The following TUBG1 variants were observed in gnomAD, a reference collection of about 807,000 sequenced individuals.
TUBG1 encodes the protein tubulin gamma 1.
A neutral mutation model predicts 53.3 loss-of-function variants in TUBG1; 22 were observed. The ratio of observed to expected loss-of-function variants is 0.41; its 90% CI spans 0.29 to 0.59. TUBG1 has a LOEUF of 0.59. Among genes scored for constraint, TUBG1 ranks in the 20% least tolerant of loss-of-function variants. TUBG1 has a pLI of 0.26. For missense variants in TUBG1, 217 were observed against 598.9 expected, an observed-to-expected ratio of 0.36 and a Z score of 6.66; for synonymous variants, 198 against 236.7, an observed-to-expected ratio of 0.84 and a Z score of 1.50.
chr17:42,609,818 G>T (rs1479110288), intron 1 of TUBG1, 32 bp downstream of exon 1: 22 of 1,547,844 alleles, frequency 1.4e-5, no homozygotes, highest in Non-Finnish European at 1.8e-5. Flanking sequence ...CAGCTAGCCA[G>T]GTTCCTTAGG....
In TUBG1 at chr17:42,612,509, A is replaced by G. The variant is rs778432099; in HGVS notation, c.479+3A>G. On this transcript the variant is annotated splice_donor_region_variant and intron_variant, in intron 5 of 10. Transcript: ENST00000251413. ...CTCTTAGAACGGCTGAATGACAGGT[A>G]AGTTTGTGTTTGGGGATTAGGAAAG... is the stretch of plus-strand genomic sequence containing the variant. The G allele has an allele frequency of 6.2e-7, 1 of 1,613,972 alleles. No individual in the cohort carries two copies. Among genetic ancestry groups the G allele is most frequent in the Non-Finnish European group, 8.5e-7 (1 of 1,179,932 alleles).
chr17:42,609,822 C>T, intron 1 of TUBG1, 36 bp downstream of exon 1: 1 of 1,547,650 alleles, frequency 6.5e-7, no homozygotes, highest in Non-Finnish European at 8.7e-7. Context: ...TAGCCAGGTT[C>T]CTTAGGGTCA....
Position 42,614,666 on chromosome 17 carries a change from C to G in TUBG1, c.1158+9C>G. On this transcript the variant is annotated intron_variant, in intron 10 of 10. Coordinates refer to ENST00000251413, the MANE Select transcript of TUBG1 (RefSeq NM_001070.5). This position sits in a 1 kb window ranked among gnomAD's most constrained non-coding sequence, Gnocchi z 5.1. The stretch of plus-strand genomic sequence containing the variant: ...ACACCAGCATCTCCTCGGTGAGTCT[C>G]AAAGTTTGCACCTTTTTTCCCTGAA... The G allele has an allele frequency of 6.2e-7, 1 of 1,613,840 alleles. No individual in the cohort carries two copies. The highest frequency in any genetic ancestry group is 8.5e-7 in the Non-Finnish European group (1 of 1,179,764).
chr17:42,609,805 C>T lies in TUBG1; in HGVS notation c.49+19C>T. On this transcript the variant is annotated intron_variant, in intron 1 of 10. Transcript: ENST00000251413. ...AATCAGAGTGAGCGAAACTCCGGCC[C>T]CTCAGCTAGCCAGGTTCCTTAGGGT... is the stretch of plus-strand genomic sequence containing the variant. The T allele has an allele frequency of 6.4e-7, 1 of 1,550,502 alleles. No homozygotes were observed. The highest frequency in any genetic ancestry group is 1.4e-5 in the African/African-American group (1 of 73,146).
At position 42,610,104 on chromosome 17, in the gene TUBG1, C is replaced by A; in HGVS notation, c.50-4C>A. The stretch of plus-strand genomic sequence containing the variant: ...TTTCTCCCCTGCCCGCCCCTTCCCC[C>A]CAGTTGGGTTCGAGTTCTGGAAACA... On this transcript the variant is annotated splice_region_variant and splice_polypyrimidine_tract_variant and intron_variant, in intron 1 of 10. Coordinates refer to ENST00000251413, the MANE Select transcript of TUBG1 (RefSeq NM_001070.5). 1.9e-6 allele frequency: 3 copies of A among 1,614,230 alleles called. No homozygotes were observed. Among genetic ancestry groups the A allele is most frequent in the Non-Finnish European group, 1.7e-6 (2 of 1,180,042 alleles).
At chr17:42,612,197 C>T (rs544488461) in intron 4 of TUBG1, 54 bp downstream of exon 4, 11 of 1,587,350 alleles carry the variant, frequency 6.9e-6, no homozygotes, top group Admixed American at 6.7e-5. Flanking sequence ...CTTGGCAGCA[C>T]CCTCTAGAAG....
chr17:42,612,588 A>G (rs2052044854), intron 5 of TUBG1, 82 bp downstream of exon 5: 1 of 1,318,508 alleles, frequency 7.6e-7, no homozygotes, highest in Non-Finnish European at 1.1e-6. Flanking sequence ...ATAACTCCAT[A>G]TTTGCTGGAA....
rs1297694217 is a variant in TUBG1, at chr17:42,610,512, G to A, written c.252G>A (p.Lys84=). 24 of 1,614,076 alleles carry A rather than the reference G, an allele frequency of 1.5e-5. No individual in the cohort carries two copies. Among genetic ancestry groups the A allele is most frequent in the Non-Finnish European group, 8.5e-7 (1 of 1,179,928 alleles). Residue 84 remains lysine, a synonymous_variant, in exon 3 of 11, where the codon AAG becomes AAA. Transcript: ENST00000251413. ...CCATCCTCAACTCCCCCTATGCCAA[G>A]CTCTACAACCCAGAGAACATCTACC... ...IHSILNSPYA[K]LYNPENIYLS... is the part of the protein sequence containing the mutation.
rs764396523 is a variant in TUBG1 at position 42,610,097 on chromosome 17, C to T, written c.50-11C>T. 4.3e-6 allele frequency: 7 copies of T among 1,614,050 alleles called. No individual in the cohort carries two copies. Among genetic ancestry groups the T allele is most frequent in the Non-Finnish European group, 4.2e-6 (5 of 1,180,008 alleles). On this transcript the variant is annotated splice_polypyrimidine_tract_variant and intron_variant, in intron 1 of 10. Transcript: ENST00000251413. ...TATCTTCTTTCTCCCCTGCCCGCCCCTTCCCCCCAGTTGGGTTCGAGTTCT... is the reference window on the plus strand; with the variant it reads ...TATCTTCTTTCTCCCCTGCCCGCCCTTTCCCCCCAGTTGGGTTCGAGTTCT...
At chr17:42,611,997 GA>G (rs1477876303) in intron 3 of TUBG1, 77 bp from the exon 4 acceptor site, 3 of 1,347,858 alleles carry the variant, frequency 2.2e-6, no homozygotes, top group Non-Finnish European at 3.2e-6. Context: ...GTTATAAGGA[GA>G]ATTGAGGGTG....
In TUBG1 at chr17:42,614,933, C is replaced by T. The variant is rs758335343; in HGVS notation, c.1248C>T (p.Asp416=). The part of the protein sequence containing the change: ...EQFRKEDMFK[D]NFDEMDTSRE... ...TCCGCAAGGAGGACATGTTCAAGGACAACTTTGATGAGATGGACACATCCA... is the reference window on the plus strand; with the variant it reads ...TCCGCAAGGAGGACATGTTCAAGGATAACTTTGATGAGATGGACACATCCA... Residue 416 remains aspartate, a synonymous_variant, in exon 11 of 11, where the codon GAC becomes GAT. Transcript: ENST00000251413. The surrounding 1 kb of genome is among the most constrained non-coding windows in gnomAD (Gnocchi z 5.1). 19 of 1,614,120 alleles carry T rather than the reference C, an allele frequency of 1.2e-5. No individual in the cohort carries two copies. The highest frequency in any genetic ancestry group is 1.6e-5 in the Non-Finnish European group (19 of 1,180,056).
At position 42,612,965 on chromosome 17, in the gene TUBG1, G is replaced by A. The variant is rs1421855458; in HGVS notation, c.498G>A (p.Val166=). The change falls in exon 6 of 11, where the codon GTG becomes GTA. Residue 166 remains valine (V), a synonymous_variant. Transcript: ENST00000251413. ...CCACCAGGTATCCTAAGAAGCTGGT[G>A]CAGACATACTCAGTGTTTCCCAACC... ...RLNDRYPKKL[V]QTYSVFPNQD... 2.5e-6 allele frequency: 4 copies of A among 1,613,930 alleles called. No individual in the cohort carries two copies. The highest frequency in any genetic ancestry group is 2.7e-5 in the African/African-American group (2 of 74,910).
Position 42,612,633 on chromosome 17 carries a change from G to A in TUBG1, c.479+127G>A, listed in dbSNP as rs2052045399. ...GTTCTTATATTCCCTCCTATAGAGA[G>A]GAAAATGAAGTTACAATGACTGAGA... is the stretch of plus-strand genomic sequence containing the variant. On this transcript the variant is annotated intron_variant, in intron 5 of 10. Coordinates refer to ENST00000251413, the MANE Select transcript of TUBG1 (RefSeq NM_001070.5). The A allele has an allele frequency of 4.4e-6, 4 of 918,952 alleles. No individual in the cohort carries two copies. In the East Asian group the frequency reaches 1.0e-4, roughly 23 times the overall value. The allele number at this position is 918,952 out of a possible 1,614,324, so 56.9% of individuals were successfully genotyped here. A position where few individuals can be genotyped will look rare whatever the true frequency, so the allele number is the denominator to read the frequency against.
intron 3 of TUBG1, among the ~76,000 whole-genome samples, chr17:42,611,862 A>AT (rs2052036560): frequency 6.6e-6 from 1 of 152,308 alleles, no homozygotes; most frequent in Admixed American, 6.5e-5. Context: ...TCGCAAAAAA[A>AT]AATAGAGCTA....
intron 1 of TUBG1, 144 bp from the exon 2 acceptor site, chr17:42,609,964 C>T: frequency 1.6e-6 from 2 of 1,286,026 alleles, no homozygotes; most frequent in Non-Finnish European, 2.1e-6. Context: ...CAGTCCCTGG[C>T]GTACAGTCCT....
intron 1 of TUBG1, 26 bp from the exon 2 acceptor site, chr17:42,610,082 C>T (rs1338253456): frequency 3.1e-6 from 5 of 1,613,458 alleles, no homozygotes; most frequent in Non-Finnish European, 4.2e-6. Flanking sequence ...TATCTTCTTT[C>T]TCCCCTGCCC....
At chr17:42,609,935 CG>C in intron 1 of TUBG1, 149 bp downstream of exon 1, 1 of 1,325,962 alleles carries the variant, frequency 7.5e-7, no homozygotes, top group East Asian at 2.5e-5. Flanking sequence ...TGCCCAACCC[CG>C]AGGGGCCCTC....
Position 42,615,048 on chromosome 17 carries a change from C to A in TUBG1, c.*7C>A. ...GGGCACCCAGGAGCAGTGAGTCCCC[C>A]AGGACAGGGACCCTCATCTGCCTTA... On this transcript the variant is annotated 3_prime_UTR_variant, in exon 11 of 11. Coordinates refer to ENST00000251413, the MANE Select transcript of TUBG1 (RefSeq NM_001070.5). The A allele has an allele frequency of 8.1e-6, 13 of 1,613,932 alleles. No individual in the cohort carries two copies. Among genetic ancestry groups the A allele is most frequent in the Non-Finnish European group, 1.1e-5 (13 of 1,179,870 alleles).
chr17:42,610,843 C>T (rs2052026289), intron 3 of TUBG1: 3 of 460,388 alleles, frequency 6.5e-6, no homozygotes, highest in Middle Eastern at 5.8e-4. Flanking sequence ...ACTACAGGTC[C>T]ACAGTCCCTT....
Sources: allele counts gnomAD v4.1 joint callset (sites outside exome capture counted in the v4.1 genomes callset), GRCh38; gene constraint gnomAD v4.1.1; non-coding constraint Gnocchi (gnomAD v3.1); transcripts MANE v1.5; gene names NCBI Gene and HGNC (gene_info 2026-07-23, HGNC 2026-07-21).